Variants in NSUN7 observed in about 807,000 individuals in gnomAD.
NSUN7 encodes protein NSUN7.
In NSUN7, 39 loss-of-function variants were observed where a neutral mutation model predicts 58.5. The ratio of observed to expected loss-of-function variants is 0.67; its 90% CI spans 0.52 to 0.87. The LOEUF (loss-of-function observed/expected upper bound fraction) is 0.87. Among genes scored for constraint, NSUN7 ranks in the 40% least tolerant of loss-of-function variants. The pLI, the probability that NSUN7 is intolerant of heterozygous loss-of-function variation, is 0.00. For synonymous variants in NSUN7, 278 were observed against 303.7 expected, an observed-to-expected ratio of 0.92 and a Z score of 0.88; for missense variants, 765 against 844.1, an observed-to-expected ratio of 0.91 and a Z score of 1.16.
rs1744206449 is a variant in NSUN7, at chr4:40,810,575, C to A, written c.*1636C>A. The A allele has an allele frequency of 1.6e-5, 1 of 61,108 alleles. No individual in the cohort carries two copies. Among genetic ancestry groups the A allele is most frequent in the African/African-American group, 6.6e-5 (1 of 15,234 alleles). The allele number at this position is 61,108 out of a possible 1,614,324, so 3.8% of individuals were successfully genotyped here. On this transcript the variant is annotated 3_prime_UTR_variant, in exon 12 of 12. Coordinates refer to ENST00000381782, the MANE Select transcript of NSUN7 (RefSeq NM_024677.6). ...CCTGGGAAGCAGAGTGAGACCTTGCCTCAAAAAAAAAAAAAAAAAAAAAAA... is the reference window on the plus strand; with the variant it reads ...CCTGGGAAGCAGAGTGAGACCTTGCATCAAAAAAAAAAAAAAAAAAAAAAA...
intron 7 of NSUN7, among the ~76,000 whole-genome samples, chr4:40,780,281 TA>T (rs1742465371): frequency 2.0e-5 from 3 of 148,576 alleles, no homozygotes; most frequent in Non-Finnish European, 3.0e-5. Context: ...CTCCGTCTCA[TA>T]AATCAATCAA....
chr4:40,783,428 T>C (rs1485651584), intron 7 of NSUN7, among the ~76,000 whole-genome samples: 2 of 152,150 alleles, frequency 1.3e-5, no homozygotes, highest in Non-Finnish European at 2.9e-5. Flanking sequence ...AGGTAAGTTT[T>C]CATGAGCTTG....
chr4:40,753,977 T>C (rs1740977079), intron 2 of NSUN7, among the ~76,000 whole-genome samples: 1 of 152,150 alleles, frequency 6.6e-6, no homozygotes, highest in Non-Finnish European at 1.5e-5. Context: ...ATTAAACCTC[T>C]GTCTTTTGTA....
At chr4:40,805,363 T>G (rs1743770746) in intron 10 of NSUN7, among the ~76,000 whole-genome samples, 1 of 152,176 alleles carries the variant, frequency 6.6e-6, no homozygotes, top group Admixed American at 6.5e-5. Context: ...GTCACTTGAC[T>G]GCTTTCCACT....
chr4:40,759,931 C>T (rs1181263298), intron 2 of NSUN7, among the ~76,000 whole-genome samples: 1 of 152,156 alleles, frequency 6.6e-6, no homozygotes. Context: ...GTCCTAGCTA[C>T]TCTGGAGGCT....
Position 40,775,987 on chromosome 4 carries a change from A to G in NSUN7, c.826-62A>G. The G allele has an allele frequency of 1.9e-6, 2 of 1,061,000 alleles. No homozygotes were observed. Among genetic ancestry groups the G allele is most frequent in the Non-Finnish European group, 2.7e-6 (2 of 734,922 alleles). The allele number at this position is 1,061,000 out of a possible 1,614,324, so 65.7% of individuals were successfully genotyped here. A position where few individuals can be genotyped will look rare whatever the true frequency, so the allele number is the denominator to read the frequency against. On this transcript the variant is annotated intron_variant, in intron 6 of 11. Coordinates refer to ENST00000381782, the MANE Select transcript of NSUN7 (RefSeq NM_024677.6). The surrounding 1 kb of genome is among the most constrained non-coding windows in gnomAD (Gnocchi z 4.3). Reference sequence around the variant, plus strand: ...GTACTTTCTTTTATGTAAAGCAAATAGAAGTCAGCTTATATTTCTAGCCAT... The same window carrying G: ...GTACTTTCTTTTATGTAAAGCAAATGGAAGTCAGCTTATATTTCTAGCCAT...
At chr4:40,764,564 G>C (rs927168928) in intron 4 of NSUN7, among the ~76,000 whole-genome samples, 1 of 152,080 alleles carries the variant, frequency 6.6e-6, no homozygotes, top group East Asian at 1.9e-4. Flanking sequence ...CTTTATAACA[G>C]CATGATTTAT....
intron 2 of NSUN7, among the ~76,000 whole-genome samples, chr4:40,752,621 G>C (rs762384556): frequency 2.2e-4 from 34 of 151,858 alleles, no homozygotes; most frequent in Non-Finnish European, 4.4e-4. Flanking sequence ...GGGGTTTCAC[G>C]GTGTTAGCCA....
chr4:40,792,563 A>G (rs542619161), intron 8 of NSUN7, among the ~76,000 whole-genome samples: 173 of 152,238 alleles, frequency 1.1e-3, no homozygotes, highest in Admixed American at 2.2e-3. Context: ...CATCCTGGCT[A>G]ACACGGTGAA....
chr4:40,801,374 C>T (rs1743573084), intron 10 of NSUN7, among the ~76,000 whole-genome samples: 1 of 152,110 alleles, frequency 6.6e-6, no homozygotes, highest in Non-Finnish European at 1.5e-5. Context: ...AACACACGAG[C>T]AGTATCTGGC....
chr4:40,774,425 T>TAA lies in NSUN7; in HGVS notation c.641+8_641+9insAA. 1 of 1,610,218 alleles carries TAA rather than the reference T, an allele frequency of 6.2e-7. No homozygotes were observed. The highest frequency in any genetic ancestry group is 8.5e-7 in the Non-Finnish European group (1 of 1,177,438). On this transcript the variant is annotated intron_variant, in intron 5 of 11. Transcript: ENST00000381782. Reference sequence around the variant, plus strand: ...AAATACTTGTAAAATCAGGTAAGTGTTTAAATCAAATTCTTTATATTTCAA... The same window carrying TAA: ...AAATACTTGTAAAATCAGGTAAGTGTAATTAAATCAAATTCTTTATATTTCAA...
chr4:40,783,740 C>T (rs1398624037), intron 7 of NSUN7, among the ~76,000 whole-genome samples: 1 of 151,856 alleles, frequency 6.6e-6, no homozygotes, highest in Non-Finnish European at 1.5e-5. Context: ...CCCAGCTACT[C>T]AGGAGGCTGA....
rs535884584 is a variant in NSUN7, at chr4:40,775,240, G to A, written c.825+290G>A. The A allele has an allele frequency of 5.8e-6, 1 of 173,660 alleles. No homozygotes were observed. The highest frequency in any genetic ancestry group is 1.9e-4 in the South Asian group (1 of 5,228). The allele number at this position is 173,660 out of a possible 1,614,324, so 10.8% of individuals were successfully genotyped here. ...GGTTCTACTTTTCTCCCCTAAAGGA[G>A]AATTCAAGAGAAAGTACAATGAGAC... On this transcript the variant is annotated intron_variant, in intron 6 of 11. Transcript: ENST00000381782. This position sits in a 1 kb window ranked among gnomAD's most constrained non-coding sequence, Gnocchi z 4.3.
Position 40,750,612 on chromosome 4 carries a change from T to C in NSUN7, c.-82T>C. 1 of 1,492,372 alleles carries C rather than the reference T, an allele frequency of 6.7e-7. No homozygotes were observed. Among genetic ancestry groups the C allele is most frequent in the Non-Finnish European group, 9.2e-7 (1 of 1,090,032 alleles). 92.4% of individuals were successfully genotyped at this position (1,492,372 alleles called of 1,614,324 possible). A position where few individuals can be genotyped will look rare whatever the true frequency, so the allele number is the denominator to read the frequency against. ...CCTTCTCTCTTCACAGAGACCATGC[T>C]GCAGATGCGAGGAAAGCCGTTTCCT... On this transcript the variant is annotated 5_prime_UTR_variant, in exon 2 of 12. Coordinates refer to ENST00000381782, the MANE Select transcript of NSUN7 (RefSeq NM_024677.6).
intron 8 of NSUN7, among the ~76,000 whole-genome samples, chr4:40,793,575 A>G (rs1474518745): frequency 1.3e-5 from 2 of 152,358 alleles, no homozygotes; most frequent in South Asian, 2.1e-4. Context: ...AGCCACATAC[A>G]TGGTATAAAT....
chr4:40,803,069 G>C (rs1743660057), intron 10 of NSUN7, among the ~76,000 whole-genome samples: 1 of 151,024 alleles, frequency 6.6e-6, no homozygotes, highest in South Asian at 2.1e-4. Flanking sequence ...AGTTTACTGA[G>C]AATGATGATT....
Position 40,792,772 on chromosome 4 carries a change from G to A in NSUN7, c.1181-1603G>A, listed in dbSNP as rs971084597. On this transcript the variant is annotated intron_variant, in intron 8 of 11. Transcript: ENST00000381782. Reference sequence around the variant, plus strand: ...CTCATTTAAAAAAAAAAAAGTTGTCGTATCCTGAAGTAAGCGGGCTTTTGA... The same window carrying A: ...CTCATTTAAAAAAAAAAAAGTTGTCATATCCTGAAGTAAGCGGGCTTTTGA... Among the ~76,000 whole-genome samples the A allele has an allele frequency of 2.0e-5, 3 of 151,738 alleles. No individual in the cohort carries two copies. In the East Asian group the frequency reaches 5.8e-4, roughly 29 times the overall value.
At chr4:40,797,254 A>G (rs752040720) in intron 9 of NSUN7, among the ~76,000 whole-genome samples, 4 of 152,086 alleles carry the variant, frequency 2.6e-5, no homozygotes, top group African/African-American at 7.2e-5. Context: ...TTCTCTGCCT[A>G]TACTTATCCC....
chr4:40,760,537 TA>T (rs763367718), intron 3 of NSUN7, 45 bp downstream of exon 3: 9 of 1,468,314 alleles, frequency 6.1e-6, no homozygotes, highest in African/African-American at 1.4e-5. Flanking sequence ...TGATTTTTTT[TA>T]AAAAAGAAAG....
Sources: gnomAD v4.1 joint callset for allele counts (sites outside exome capture counted in the v4.1 genomes callset) on GRCh38, gnomAD v4.1.1 for gene constraint, Gnocchi (gnomAD v3.1) non-coding constraint, MANE v1.5 for transcripts, NCBI Gene and HGNC (gene_info 2026-07-23, HGNC 2026-07-21) for gene names.